GYPB: variants seen among roughly 807,000 people sequenced by gnomAD.
GYPB encodes the protein glycophorin B (MNS blood group), also known as glycophorin-B.
In GYPB, 13 loss-of-function variants were observed where a neutral mutation model predicts 15.3. The observed-to-expected ratio is 0.85, with a 90% CI of 0.55 to 1.35. GYPB has a LOEUF of 1.35. GYPB is among the 40% of genes most tolerant of loss of function. The pLI, the probability that GYPB is intolerant of heterozygous loss-of-function variation, is 0.00. For missense variants in GYPB, 131 were observed against 108.3 expected (o/e 1.21, Z -0.93); for synonymous variants, 38 against 36.9 (o/e 1.03, Z -0.11).
rs1285031672 is a variant in GYPB at position 144,007,701 on chromosome 4, G to A, written c.38-6418C>T. ...CTATTCCTGGCTTTGCCATCAAATG[G>A]TTGGGGGATCTGTGAAAGTCTCTGA... On this transcript the variant is annotated intron_variant, in intron 1 of 4. Coordinates refer to ENST00000502664, the MANE Select transcript of GYPB (RefSeq NM_002100.6). Among the ~76,000 whole-genome samples the A allele has an allele frequency of 2.0e-5, 3 of 151,622 alleles. 1 individual carries two copies. The highest frequency in any genetic ancestry group is 4.9e-5 in the African/African-American group (2 of 40,900).
intron 1 of GYPB, 145 bp from the exon 2 acceptor site, chr4:144,001,428 A>G: frequency 6.8e-7 from 1 of 1,461,030 alleles, no homozygotes; most frequent in Non-Finnish European, 9.4e-7. Context: ...ATCTTTAGAG[A>G]ATTGCTGCGT....
chr4:144,011,680 T>G (rs537954838), intron 1 of GYPB, among the ~76,000 whole-genome samples: 1 of 151,406 alleles, frequency 6.6e-6, no homozygotes, highest in South Asian at 2.1e-4. Flanking sequence ...GGATCTGAAA[T>G]ATATCTGCTT....
chr4:144,011,412 A>G (rs1728214479), intron 1 of GYPB, among the ~76,000 whole-genome samples: 1 of 151,246 alleles, frequency 6.6e-6, no homozygotes, highest in African/African-American at 2.5e-5. Flanking sequence ...ATAAAACCAA[A>G]CAGGAATAAC....
At chr4:144,008,858 A>T (rs1458018666) in intron 1 of GYPB, among the ~76,000 whole-genome samples, 1 of 151,438 alleles carries the variant, frequency 6.6e-6, no homozygotes, top group East Asian at 1.9e-4. Flanking sequence ...TTGGATTCTG[A>T]TGTGCGGCCA....
intron 1 of GYPB, among the ~76,000 whole-genome samples, chr4:144,013,540 C>G (rs1200664741): frequency 6.6e-6 from 1 of 151,218 alleles, no homozygotes; most frequent in Non-Finnish European, 1.5e-5. Context: ...CAATGATAGA[C>G]TGGATTAAGA....
chr4:144,007,919 C>T (rs1728006299), intron 1 of GYPB, among the ~76,000 whole-genome samples: 1 of 151,434 alleles, frequency 6.6e-6, no homozygotes, highest in Non-Finnish European at 1.5e-5. Context: ...ACTATAGGTG[C>T]ACACCACCAT....
At chr4:144,013,179 C>G (rs1373321204) in intron 1 of GYPB, among the ~76,000 whole-genome samples, 2 of 151,300 alleles carry the variant, frequency 1.3e-5, no homozygotes, top group Non-Finnish European at 2.9e-5. Flanking sequence ...TGCTCATCAT[C>G]ACTGGCCATC....
intron 1 of GYPB, among the ~76,000 whole-genome samples, chr4:144,014,843 G>T (rs984989430): frequency 2.6e-5 from 4 of 151,448 alleles, no homozygotes; most frequent in African/African-American, 9.8e-5. Context: ...AAAGTGCATG[G>T]CACAAAGTAA....
intron 1 of GYPB, chr4:144,002,836 A>G: frequency 2.4e-6 from 1 of 421,580 alleles, no homozygotes; most frequent in Non-Finnish European, 4.4e-6. Flanking sequence ...GACATGATCT[A>G]TTGTTCCTAA....
rs531004355 is a variant in GYPB at position 144,000,942 on chromosome 4, T to C, written c.136+243A>G. Reference sequence around the variant, plus strand: ...TGGCCCACTATTTCATGGTCACATGTATCATTTCTGTGCTTTGCCACATTG... The same window carrying C: ...TGGCCCACTATTTCATGGTCACATGCATCATTTCTGTGCTTTGCCACATTG... On this transcript the variant is annotated intron_variant, in intron 2 of 4. Coordinates refer to ENST00000502664, the MANE Select transcript of GYPB (RefSeq NM_002100.6). Among the ~76,000 whole-genome samples the C allele has an allele frequency of 8.5e-4, 128 of 151,370 alleles. 2 individuals carry two copies. The highest frequency in any genetic ancestry group is 1.3e-3 in the African/African-American group (52 of 40,676).
intron 1 of GYPB, among the ~76,000 whole-genome samples, chr4:144,008,871 A>G (rs533025458): frequency 1.3e-4 from 20 of 151,310 alleles, no homozygotes; most frequent in Non-Finnish European, 1.5e-4. Context: ...TGCGGCCAGC[A>G]GTGAGAACAA....
intron 1 of GYPB, among the ~76,000 whole-genome samples, chr4:144,008,940 G>T (rs1579062123): frequency 6.6e-6 from 1 of 151,358 alleles, no homozygotes; most frequent in South Asian, 2.1e-4. Context: ...GAGTTTCGAG[G>T]TCAATTCTTA....
chr4:144,019,044 G>A (rs1728650360), intron 1 of GYPB, among the ~76,000 whole-genome samples: 1 of 151,152 alleles, frequency 6.6e-6, no homozygotes, highest in Non-Finnish European at 1.5e-5. Flanking sequence ...CTAGAAAACT[G>A]GATTCGGCCA....
intron 1 of GYPB, among the ~76,000 whole-genome samples, chr4:144,014,350 CAA>C (rs1281245460): frequency 6.6e-6 from 1 of 151,736 alleles, no homozygotes; most frequent in Non-Finnish European, 1.5e-5. Flanking sequence ...AAATTTTAAT[CAA>C]ATGATGGATC....
intron 1 of GYPB, among the ~76,000 whole-genome samples, chr4:144,006,134 TA>T (rs1298958228): frequency 9.2e-5 from 14 of 151,882 alleles, no homozygotes; most frequent in Admixed American, 2.6e-4. Flanking sequence ...TGGCATTTGC[TA>T]TGGTACTTAG....
chr4:143,995,442 A>G (rs1727274449), downstream of GYPB, among the ~76,000 whole-genome samples: 1 of 151,328 alleles, frequency 6.6e-6, no homozygotes, highest in South Asian at 2.1e-4. Flanking sequence ...AGGGTAAGGC[A>G]GTCAGAATGT....
At chr4:144,011,625 T>C (rs1323780022) in intron 1 of GYPB, among the ~76,000 whole-genome samples, 1 of 151,168 alleles carries the variant, frequency 6.6e-6, no homozygotes, top group Non-Finnish European at 1.5e-5. Context: ...TTTTAAGTTT[T>C]CTCCAATTGT....
chr4:143,997,537 C>T lies in GYPB; in HGVS notation c.270+3G>A, dbSNP rs189650740. ...AGAGCAAAATTAAAAACTGAATTCT[C>T]ACCTTTATCAGTCGGCGAATACTGT... On this transcript the variant is annotated splice_donor_region_variant and intron_variant, in intron 4 of 4. Transcript: ENST00000502664. 6.0e-4 allele frequency: 928 copies of T among 1,536,818 alleles called. 43 individuals carry two copies. In the African/African-American group the frequency reaches 0.011, roughly 18 times the overall value.
At chr4:144,007,571 A>G (rs1004444932) in intron 1 of GYPB, among the ~76,000 whole-genome samples, 2 of 151,512 alleles carry the variant, frequency 1.3e-5, no homozygotes, top group South Asian at 2.1e-4. Flanking sequence ...GGAGAAAAAA[A>G]TCGGTCAGTC....
Sources: gnomAD v4.1 joint callset for allele counts (sites outside exome capture counted in the v4.1 genomes callset) on GRCh38, gnomAD v4.1.1 for gene constraint, MANE v1.5 for transcripts, NCBI Gene and HGNC (gene_info 2026-07-23, HGNC 2026-07-21) for gene names.